Variants in TOM1 observed in about 807,000 individuals in gnomAD.
TOM1 encodes the protein target of Myb protein 1.
In TOM1, 38 loss-of-function variants were observed where a neutral mutation model predicts 61.3. The observed-to-expected ratio is 0.62, with a 90% CI of 0.48 to 0.81. The LOEUF (loss-of-function observed/expected upper bound fraction) is 0.81. Ranked by LOEUF, TOM1 falls within the 40% of genes least tolerant of loss-of-function variation. The probability of loss-of-function intolerance (pLI) is 0.00; values close to 1 mark genes in which losing one functional copy is unlikely to be tolerated. For synonymous variants in TOM1, 270 were observed against 268.8 expected, an observed-to-expected ratio of 1.00 and a Z score of -0.04; for missense variants, 591 against 659.6, an observed-to-expected ratio of 0.90 and a Z score of 1.14.
At chr22:35,322,979 C>T (rs1569027064) in intron 3 of TOM1, 49 bp from the exon 4 acceptor site, 3 of 1,601,160 alleles carry the variant, frequency 1.9e-6, no homozygotes, top group Middle Eastern at 1.7e-4. Flanking sequence ...GTTCTGAGCA[C>T]CTCCTCTCCT....
intron 8 of TOM1, chr22:35,331,187 C>T: frequency 5.2e-6 from 2 of 387,204 alleles, no homozygotes; most frequent in South Asian, 3.9e-5. Flanking sequence ...CCTCAACCTC[C>T]TGGGCTCAAG....
intron 11 of TOM1, among the ~76,000 whole-genome samples, chr22:35,337,760 G>T (rs568946739): frequency 1.3e-5 from 2 of 152,196 alleles, no homozygotes; most frequent in African/African-American, 4.8e-5. Context: ...AACAGGAATC[G>T]CAGGCCTTTC....
At chr22:35,300,072 C>A (rs776795357) in intron 1 of TOM1, 92 bp downstream of exon 1, 519 of 1,439,938 alleles carry the variant, frequency 3.6e-4, no homozygotes, top group Non-Finnish European at 4.6e-4. Flanking sequence ...GTCACGGAGG[C>A]AGGGAGGGCA....
chr22:35,340,876 T>A (rs1929816601), intron 12 of TOM1, among the ~76,000 whole-genome samples: 1 of 152,158 alleles, frequency 6.6e-6, no homozygotes, highest in African/African-American at 2.4e-5. Flanking sequence ...CAGGAGCCAT[T>A]CCCAAGTCAG....
intron 2 of TOM1, among the ~76,000 whole-genome samples, chr22:35,319,351 G>A (rs890720604): frequency 1.3e-5 from 2 of 152,170 alleles, no homozygotes; most frequent in Admixed American, 6.5e-5. Flanking sequence ...GGACCCAGCA[G>A]TGATCAAAGG....
At chr22:35,304,168 A>G (rs1926104149) in intron 1 of TOM1, among the ~76,000 whole-genome samples, 1 of 152,152 alleles carries the variant, frequency 6.6e-6, no homozygotes, top group South Asian at 2.1e-4. Context: ...ATCCAGACCC[A>G]GGTCTTCTTT....
rs1257298154 is a variant in TOM1 at position 35,323,921 on chromosome 22, G to A, written c.648+7G>A. 1.1e-5 allele frequency: 17 copies of A among 1,546,346 alleles called. No individual in the cohort carries two copies. The highest frequency in any genetic ancestry group is 1.7e-4 in the Middle Eastern group (1 of 5,752). ...AGCACCAACCCCGGAACAGGTAAAC[G>A]AGCCTGGGGTCAGAACCGTCAGGTC... On this transcript the variant is annotated splice_region_variant and intron_variant, in intron 6 of 14. Coordinates refer to ENST00000449058, the MANE Select transcript of TOM1 (RefSeq NM_005488.3). The surrounding 1 kb of genome is among the most constrained non-coding windows in gnomAD (Gnocchi z 4.2).
At chr22:35,337,762 A>C (rs1195050126) in intron 11 of TOM1, among the ~76,000 whole-genome samples, 1 of 152,218 alleles carries the variant, frequency 6.6e-6, no homozygotes, top group African/African-American at 2.4e-5. Flanking sequence ...CAGGAATCGC[A>C]GGCCTTTCCC....
At chr22:35,316,498 T>C (rs16995569) in intron 1 of TOM1, among the ~76,000 whole-genome samples, 2,816 of 152,304 alleles carry the variant, frequency 0.018, 83 homozygotes, top group African/African-American at 0.063. Flanking sequence ...ATTCATGTAA[T>C]ACCAATTAGT....
chr22:35,301,002 A>T (rs1925714922), intron 1 of TOM1, among the ~76,000 whole-genome samples: 1 of 150,464 alleles, frequency 6.6e-6, no homozygotes, highest in South Asian at 2.1e-4. Flanking sequence ...GCTTGAGCCC[A>T]GGAGTTCGAG....
At chr22:35,334,548 G>A (rs1929124492) in intron 11 of TOM1, 100 bp downstream of exon 11, 2 of 1,450,768 alleles carry the variant, frequency 1.4e-6, no homozygotes, top group South Asian at 1.1e-5. Flanking sequence ...AGGGCACACG[G>A]ACCCTGCTTA....
chr22:35,300,807 C>T (rs1925687730), intron 1 of TOM1, among the ~76,000 whole-genome samples: 1 of 152,194 alleles, frequency 6.6e-6, no homozygotes, highest in Non-Finnish European at 1.5e-5. Context: ...CAATAATGGT[C>T]CCCACCTCCG....
At chr22:35,302,330 CTTTTTTTTTTTTT>C (rs138734) in intron 1 of TOM1, among the ~76,000 whole-genome samples, 45 of 70,940 alleles carry the variant, frequency 6.3e-4, no homozygotes, top group Non-Finnish European at 1.1e-3. Flanking sequence ...TTTTCTTTTT[CTTTTTTTTTTTTT>C]TTTTTTTTTG....
At chr22:35,327,720 G>A (rs1322982895) in intron 7 of TOM1, among the ~76,000 whole-genome samples, 1 of 152,204 alleles carries the variant, frequency 6.6e-6, no homozygotes, top group Non-Finnish European at 1.5e-5. Context: ...ACAGAGTAAA[G>A]CACCCAGTAA....
intron 2 of TOM1, among the ~76,000 whole-genome samples, chr22:35,320,917 G>A (rs1476015091): frequency 6.7e-6 from 1 of 150,290 alleles, no homozygotes; most frequent in East Asian, 2.0e-4. Context: ...AGGAGTTCCG[G>A]GCTACAGCGA....
At position 35,323,623 on chromosome 22, in the gene TOM1, C is replaced by G. The variant is rs1928051168; in HGVS notation, c.494C>G (p.Pro165Arg). 1 of 1,614,018 alleles carries G rather than the reference C, an allele frequency of 6.2e-7. No individual in the cohort carries two copies. Among genetic ancestry groups the G allele is most frequent in the Non-Finnish European group, 8.5e-7 (1 of 1,180,042 alleles). Residue 165 changes from proline to arginine, a missense_variant, in exon 5 of 15, where the codon CCC (proline) becomes CGC (arginine). Physicochemically the swap from Pro to Arg is moderately radical, Grantham distance 103. Transcript: ENST00000449058. This position sits in a 1 kb window ranked among gnomAD's most constrained non-coding sequence, Gnocchi z 4.2. ...DLDMLSPIHT[P>R]QRTVFNSETQ... ...GACATGCTGTCACCCATCCACACACCCCAGAGGGTGAGAGAACTGCCGTAC... is the reference window on the plus strand; with the variant it reads ...GACATGCTGTCACCCATCCACACACGCCAGAGGGTGAGAGAACTGCCGTAC...
Position 35,346,953 on chromosome 22 carries a change from G to C in TOM1, c.1308G>C (p.Lys436Asn), listed in dbSNP as rs558453690. 5.6e-6 allele frequency: 9 copies of C among 1,612,950 alleles called. No individual in the cohort carries two copies. The South Asian group carries it at 9.9e-5, about 18-fold the overall frequency. The change falls in exon 14 of 15, where the codon AAG becomes AAC. Residue 436 changes from lysine (K) to asparagine (N), a missense_variant. Transcript: ENST00000449058. ...TDVGNDAEEPKGVTSEEFDKF... is the reference protein window; with the variant it reads ...TDVGNDAEEPNGVTSEEFDKF... Reference sequence around the variant, plus strand: ...AGGGTAATGATGCGGAAGAGCCTAAGGGGGTCACCAGCGAAGGTAGTAGTC... The same window carrying C: ...AGGGTAATGATGCGGAAGAGCCTAACGGGGTCACCAGCGAAGGTAGTAGTC...
chr22:35,344,112 C>G (rs956782199), intron 12 of TOM1: 1 of 152,392 alleles, frequency 6.6e-6, no homozygotes, highest in Non-Finnish European at 1.5e-5. Flanking sequence ...CCTCCTGACC[C>G]GAAAGGCGCA....
chr22:35,337,388 C>G (rs559824386), intron 11 of TOM1, among the ~76,000 whole-genome samples: 1 of 152,180 alleles, frequency 6.6e-6, no homozygotes, highest in African/African-American at 2.4e-5. Context: ...GGTCAGAAGT[C>G]AGCAACCTGA....
Sources: gnomAD v4.1 joint callset for allele counts (sites outside exome capture counted in the v4.1 genomes callset) on GRCh38, gnomAD v4.1.1 for gene constraint, Gnocchi (gnomAD v3.1) non-coding constraint, MANE v1.5 for transcripts, NCBI Gene and HGNC (gene_info 2026-07-23, HGNC 2026-07-21) for gene names.